The following SCRN1 variants were observed in gnomAD, a reference collection of about 807,000 sequenced individuals.
SCRN1 encodes secernin-1.
SCRN1 carries 19 observed loss-of-function variants against 43.3 expected under a neutral mutation model. That is an observed-to-expected ratio of 0.44 (90% CI 0.31 to 0.64). The LOEUF is 0.64. Ranked by LOEUF, SCRN1 falls within the 30% of genes least tolerant of loss-of-function variation. The pLI is 0.09. For synonymous variants in SCRN1, 183 were observed against 188.9 expected (o/e 0.97, Z 0.26); for missense variants, 447 against 524.1 (o/e 0.85, Z 1.44).
intron 2 of SCRN1, among the ~76,000 whole-genome samples, chr7:29,961,526 CCTTT>C (rs1562816449): frequency 6.7e-6 from 1 of 149,862 alleles, no homozygotes; most frequent in African/African-American, 2.5e-5. Flanking sequence ...ACCTTTCCCG[CCTTT>C]CTATTCCACA....
intron 1 of SCRN1, chr7:29,988,804 C>A (rs1033522030): frequency 6.6e-6 from 1 of 152,256 alleles, no homozygotes; most frequent in African/African-American, 2.4e-5. Context: ...GTAACAGTTT[C>A]CTTCGATGTT....
intron 3 of SCRN1, among the ~76,000 whole-genome samples, chr7:29,951,779 A>G (rs1378938649): frequency 1.3e-5 from 2 of 152,246 alleles, no homozygotes; most frequent in African/African-American, 4.8e-5. Context: ...AGCCTCTAGG[A>G]AACATACACA....
At chr7:29,988,675 C>T (rs1342058368) in intron 1 of SCRN1, 1 of 152,586 alleles carries the variant, frequency 6.6e-6, no homozygotes, top group Admixed American at 6.5e-5. Flanking sequence ...CGCACCCACC[C>T]CACCCGGCTG....
chr7:29,963,642 G>T (rs1380448295), intron 2 of SCRN1, among the ~76,000 whole-genome samples: 1 of 27,232 alleles, frequency 3.7e-5, no homozygotes, highest in Non-Finnish European at 7.3e-5. Flanking sequence ...GCTACATTTG[G>T]AAGTACATCC....
At chr7:29,990,013 C>T (rs1167264984), upstream of SCRN1, 2 of 1,450,064 alleles carry the variant, frequency 1.4e-6, no homozygotes, top group African/African-American at 1.4e-5. Flanking sequence ...AGAAAGTGGC[C>T]CCCTCTTTGC....
chr7:29,940,854 A>ACT lies in SCRN1; in HGVS notation c.565_566dup (p.Ser189ArgfsTer46). 6.4e-7 allele frequency: 1 copy of ACT among 1,555,744 alleles called. No homozygotes were observed. Among genetic ancestry groups the ACT allele is most frequent in the Non-Finnish European group, 8.6e-7 (1 of 1,157,830 alleles). ...CCATCTTAGTGGTGAGCGAAAGCTG[A>ACT]CTGCAAATGCACCTCACTCCCTCTG... On this transcript the variant is annotated frameshift_variant, in exon 5 of 8. Transcript: ENST00000242059. LOFTEE classifies it high-confidence loss of function.
chr7:29,989,028 T>A (rs1218240948), intron 1 of SCRN1: 1 of 151,558 alleles, frequency 6.6e-6, no homozygotes, highest in Non-Finnish European at 1.5e-5. Flanking sequence ...CGGGTGCGGC[T>A]CGAGGGAAGT....
intron 1 of SCRN1, among the ~76,000 whole-genome samples, chr7:29,970,232 G>A (rs574785820): frequency 5.3e-5 from 8 of 152,150 alleles, no homozygotes; most frequent in Non-Finnish European, 8.8e-5. Flanking sequence ...GATCAAGTTT[G>A]TTTCCCCTTC....
At chr7:29,982,507 C>T (rs1789019505) in intron 1 of SCRN1, among the ~76,000 whole-genome samples, 1 of 151,716 alleles carries the variant, frequency 6.6e-6, no homozygotes. Context: ...CAAGGAGACC[C>T]TATCTCTACA....
intron 1 of SCRN1, among the ~76,000 whole-genome samples, chr7:29,975,550 T>A (rs1223699183): frequency 2.0e-5 from 3 of 152,236 alleles, no homozygotes; most frequent in Admixed American, 6.5e-5. Context: ...AAAGCATGTA[T>A]GCATCTCATA....
chr7:29,945,663 C>T (rs1787714133), intron 3 of SCRN1, among the ~76,000 whole-genome samples: 1 of 152,146 alleles, frequency 6.6e-6, no homozygotes, highest in South Asian at 2.1e-4. Context: ...TAAATGGACC[C>T]AGCTTCTAGC....
At position 29,985,822 on chromosome 7, in the gene SCRN1, C is replaced by T. The variant is rs559683426; in HGVS notation, c.-2+3820G>A. ...CCTGGTCACTCACTTCTTGTAGTCC[C>T]TTTTCCGTCCATCCTGTCCCCTTTT... On this transcript the variant is annotated intron_variant, in intron 1 of 7. Transcript: ENST00000242059. 2.0e-5 allele frequency among the ~76,000 whole-genome samples: 3 copies of T among 152,314 alleles called. No individual in the cohort carries two copies. The South Asian group carries it at 6.2e-4, about 32-fold the overall frequency.
chr7:29,951,388 G>A (rs1787914663), intron 3 of SCRN1, among the ~76,000 whole-genome samples: 3 of 152,188 alleles, frequency 2.0e-5, no homozygotes, highest in Admixed American at 2.0e-4. Flanking sequence ...CATAAGCTGA[G>A]TACAGTGTGC....
intron 1 of SCRN1, among the ~76,000 whole-genome samples, chr7:29,978,388 A>T (rs1788895664): frequency 6.6e-6 from 1 of 152,176 alleles, no homozygotes; most frequent in Admixed American, 6.5e-5. Flanking sequence ...GGCTCCTCTC[A>T]ACAGGGCCTG....
chr7:29,934,710 A>G (rs1787266195), intron 6 of SCRN1, among the ~76,000 whole-genome samples: 1 of 152,238 alleles, frequency 6.6e-6, no homozygotes, highest in Admixed American at 6.5e-5. Flanking sequence ...ACTGGGAGAG[A>G]AAATCAAGGG....
chr7:29,936,407 G>A, intron 6 of SCRN1, 149 bp downstream of exon 6: 1 of 584,178 alleles, frequency 1.7e-6, no homozygotes, highest in Non-Finnish European at 2.9e-6. Context: ...AAAGCCCTTG[G>A]TGCTACACTG....
chr7:29,945,191 CT>C (rs1417010224), intron 3 of SCRN1, among the ~76,000 whole-genome samples: 1 of 152,176 alleles, frequency 6.6e-6, no homozygotes. Flanking sequence ...CCATCTCCCC[CT>C]AGCCTTTCCA....
chr7:29,939,400 G>T (rs1787455908), intron 5 of SCRN1, among the ~76,000 whole-genome samples: 1 of 152,060 alleles, frequency 6.6e-6, no homozygotes, highest in Non-Finnish European at 1.5e-5. Flanking sequence ...TTGGAGAGAT[G>T]AGGTCTTGCT....
chr7:29,931,227 T>C (rs1174434138), intron 6 of SCRN1, among the ~76,000 whole-genome samples: 2 of 152,252 alleles, frequency 1.3e-5, no homozygotes, highest in Non-Finnish European at 2.9e-5. Context: ...AACATTACCA[T>C]GAAAATCTCT....
Sources: allele counts gnomAD v4.1 joint callset (sites outside exome capture counted in the v4.1 genomes callset), GRCh38; gene constraint gnomAD v4.1.1; transcripts MANE v1.5; gene names NCBI Gene and HGNC (gene_info 2026-07-23, HGNC 2026-07-21).